MICAL2: variants seen among roughly 807,000 people sequenced by gnomAD.
MICAL2 encodes microtubule associated monooxygenase, calponin and LIM domain containing 2, also known as [F-actin]-monooxygenase MICAL2.
MICAL2 carries 77 observed loss-of-function variants against 127.3 expected under a neutral mutation model. The observed-to-expected ratio is 0.60, with a 90% CI of 0.50 to 0.73. The LOEUF (loss-of-function observed/expected upper bound fraction) is 0.73, where lower values mean the gene tolerates loss of function less well. Ranked by LOEUF, MICAL2 falls within the 30% of genes least tolerant of loss-of-function variation. MICAL2 has a pLI of 0.00. For synonymous variants in MICAL2, 570 were observed against 551.1 expected, an observed-to-expected ratio of 1.03 and a Z score of -0.48; for missense variants, 1,351 against 1,434.4, an observed-to-expected ratio of 0.94 and a Z score of 0.94.
chr11:12,327,560 C>T (rs1292814112), intron 32 of MICAL2, among the ~76,000 whole-genome samples: 1 of 152,258 alleles, frequency 6.6e-6, no homozygotes, highest in Non-Finnish European at 1.5e-5. Context: ...CACTGGCTAA[C>T]ACGAATGTTC....
intron 21 of MICAL2, among the ~76,000 whole-genome samples, chr11:12,247,889 T>A (rs1347004385): frequency 6.6e-6 from 1 of 152,188 alleles, no homozygotes; most frequent in African/African-American, 2.4e-5. Flanking sequence ...TTTTGCTCAA[T>A]GGACCCAAGT....
At chr11:12,336,858 T>C (rs1938773515) in intron 32 of MICAL2, among the ~76,000 whole-genome samples, 1 of 152,046 alleles carries the variant, frequency 6.6e-6, no homozygotes, top group South Asian at 2.1e-4. Flanking sequence ...AGTTTGCCAG[T>C]ATTTTATTGA....
intron 3 of MICAL2, among the ~76,000 whole-genome samples, chr11:12,168,687 G>GA (rs1214689348): frequency 1.3e-5 from 2 of 151,214 alleles, no homozygotes; most frequent in Non-Finnish European, 2.9e-5. Context: ...AGGTTTCTTT[G>GA]AAAAAAATGC....
chr11:12,307,828 C>A (rs902602627), intron 29 of MICAL2, among the ~76,000 whole-genome samples: 1 of 152,192 alleles, frequency 6.6e-6, no homozygotes, highest in African/African-American at 2.4e-5. Flanking sequence ...ATACAATCAT[C>A]TTTACACTAA....
chr11:12,173,339 T>C (rs944694387), intron 3 of MICAL2, among the ~76,000 whole-genome samples: 1 of 152,188 alleles, frequency 6.6e-6, no homozygotes. Context: ...CTGAGGAATA[T>C]ATAGGGGGAG....
Position 12,249,258 on chromosome 11 carries a change from C to G in MICAL2, c.2847+12C>G. On this transcript the variant is annotated intron_variant, in intron 22 of 27. Coordinates refer to ENST00000683283, the MANE Select transcript of MICAL2 (RefSeq NM_001282663.2). ...CAGTGCATCCTCAGGTGAGTTAGAG[C>G]CTCCCTGAACTTCAGCTGCCTCACC... is the stretch of plus-strand genomic sequence containing the variant. 1 of 1,484,840 alleles carries G rather than the reference C, an allele frequency of 6.7e-7. No homozygotes were observed. The highest frequency in any genetic ancestry group is 9.4e-7 in the Non-Finnish European group (1 of 1,063,200). 92.0% of individuals were successfully genotyped at this position (1,484,840 alleles called of 1,614,324 possible). A position where few individuals can be genotyped will look rare whatever the true frequency, so the allele number is the denominator to read the frequency against.
At chr11:12,186,815 G>A (rs549864940) in intron 3 of MICAL2, among the ~76,000 whole-genome samples, 214 of 152,260 alleles carry the variant, frequency 1.4e-3, no homozygotes, top group African/African-American at 5.0e-3. Flanking sequence ...CGGCAGGGAG[G>A]TCCCCTTCAG....
chr11:12,119,488 A>G (rs1490541280), intron 1 of MICAL2, among the ~76,000 whole-genome samples: 1 of 152,160 alleles, frequency 6.6e-6, no homozygotes, highest in Non-Finnish European at 1.5e-5. Context: ...GACAGTTGTA[A>G]TCTCTAAAAA....
At chr11:12,266,762 C>T (rs1863613780), downstream of MICAL2, among the ~76,000 whole-genome samples, 1 of 152,226 alleles carries the variant, frequency 6.6e-6, no homozygotes, top group Non-Finnish European at 1.5e-5. Context: ...TGGGCTCCAC[C>T]AAAGACCAGG....
chr11:12,114,809 A>G (rs1849874288), intron 1 of MICAL2, among the ~76,000 whole-genome samples: 1 of 152,168 alleles, frequency 6.6e-6, no homozygotes, highest in Non-Finnish European at 1.5e-5. Context: ...AAAATAATAG[A>G]AGAACTATCT....
downstream of MICAL2, among the ~76,000 whole-genome samples, chr11:12,291,941 C>T (rs923460108): frequency 6.6e-6 from 1 of 152,192 alleles, no homozygotes; most frequent in Non-Finnish European, 1.5e-5. Context: ...CACCCTGGGA[C>T]TTCCTTTGCC....
intron 2 of MICAL2, among the ~76,000 whole-genome samples, chr11:12,150,940 G>A (rs761553158): frequency 2.0e-5 from 3 of 152,110 alleles, no homozygotes; most frequent in Non-Finnish European, 2.9e-5. Context: ...GCAGCTTCCC[G>A]GGAACTGACG....
At chr11:12,116,043 C>T (rs1849993149) in intron 1 of MICAL2, among the ~76,000 whole-genome samples, 1 of 148,394 alleles carries the variant, frequency 6.7e-6, no homozygotes, top group Admixed American at 6.8e-5. Flanking sequence ...TGCAGTGGGG[C>T]CATCTTGGCT....
At chr11:12,161,896 C>T (rs961269246) in intron 2 of MICAL2, 183 bp from the exon 3 acceptor site, 11 of 518,156 alleles carry the variant, frequency 2.1e-5, no homozygotes, top group Admixed American at 3.3e-5. Flanking sequence ...TGCAATGCCA[C>T]ATCGACAGGC....
At position 12,255,823 on chromosome 11, in the gene MICAL2, C is replaced by G. The variant is rs11820126; in HGVS notation, c.2955+73C>G. ...ATCCCAGGGCGGGCACATGGGATGTCGAGAGGATGCCCTGGCCCTCCCGAG... is the reference window on the plus strand; with the variant it reads ...ATCCCAGGGCGGGCACATGGGATGTGGAGAGGATGCCCTGGCCCTCCCGAG... On this transcript the variant is annotated intron_variant, in intron 23 of 27. Coordinates refer to ENST00000683283, the MANE Select transcript of MICAL2 (RefSeq NM_001282663.2). 5.3e-3 allele frequency: 6,557 copies of G among 1,225,906 alleles called. 177 individuals carry two copies. In the African/African-American group the frequency reaches 0.068, roughly 13 times the overall value. 75.9% of individuals were successfully genotyped at this position (1,225,906 alleles called of 1,614,324 possible).
In MICAL2 at chr11:12,357,107, C is replaced by T. The variant is rs150507779; in HGVS notation, c.5690-1188C>T. Among the ~76,000 whole-genome samples, 496 of 152,280 alleles carry T rather than the reference C, an allele frequency of 3.3e-3. 5 individuals carry two copies. Among genetic ancestry groups the T allele is most frequent in the African/African-American group, 0.012 (481 of 41,558 alleles). On this transcript the variant is annotated intron_variant, in intron 34 of 34. Coordinates refer to the MICAL2 transcript ENST00000646065. ...CAGTGGGATGGTGTTTCTTTGTCTCCCTTTCATCAGACCTACCTGCTTCCT... is the reference window on the plus strand; with the variant it reads ...CAGTGGGATGGTGTTTCTTTGTCTCTCTTTCATCAGACCTACCTGCTTCCT...
rs550151223 is a variant in MICAL2 at position 12,333,588 on chromosome 11, T to G, written c.5515+6322T>G. Among the ~76,000 whole-genome samples, 18 of 152,300 alleles carry G rather than the reference T, an allele frequency of 1.2e-4. No individual in the cohort carries two copies. The South Asian group carries it at 3.7e-3, about 32-fold the overall frequency. On this transcript the variant is annotated intron_variant, in intron 32 of 34. Transcript: ENST00000646065. ...GTTTGGAAAGAAAGAAAAAAAATTT[T>G]GTTGTTTCCAGATGCTAGGATTGTC...
At chr11:12,192,647 G>A (rs947187111) in intron 3 of MICAL2, among the ~76,000 whole-genome samples, 1 of 152,062 alleles carries the variant, frequency 6.6e-6, no homozygotes, top group African/African-American at 2.4e-5. Context: ...GTGCGATGAT[G>A]GGTACCTGTA....
intron 16 of MICAL2, among the ~76,000 whole-genome samples, chr11:12,239,011 C>T (rs1157598001): frequency 6.6e-6 from 1 of 152,200 alleles, no homozygotes; most frequent in Non-Finnish European, 1.5e-5. Flanking sequence ...GCCCCCAACC[C>T]CTGCTCTTCT....
Sources: allele counts gnomAD v4.1 joint callset (sites outside exome capture counted in the v4.1 genomes callset), GRCh38; gene constraint gnomAD v4.1.1; transcripts MANE v1.5; gene names NCBI Gene and HGNC (gene_info 2026-07-23, HGNC 2026-07-21).